The following PROKR2 variants were observed in gnomAD, a reference collection of about 807,000 sequenced individuals.
PROKR2 encodes prokineticin receptor 2.
Under a neutral mutation model 23.4 loss-of-function variants are expected in PROKR2, and 26 were observed. That is an observed-to-expected ratio of 1.11 (90% CI 0.81 to 1.54). The LOEUF is 1.54. Ranked by LOEUF, PROKR2 falls within the 40% of genes most tolerant of loss-of-function variation. The probability of loss-of-function intolerance (pLI) is 0.00; values close to 1 mark genes in which losing one functional copy is unlikely to be tolerated. For synonymous variants in PROKR2, 212 were observed against 201.2 expected (o/e 1.05, Z -0.45); for missense variants, 453 against 511.5 (o/e 0.89, Z 1.10).
chr20:5,312,834 A>G (rs1437374085), intron 2 of PROKR2, among the ~76,000 whole-genome samples: 1 of 152,260 alleles, frequency 6.6e-6, no homozygotes, highest in African/African-American at 2.4e-5. Flanking sequence ...CTGTTCACAT[A>G]AACAAAATGT....
rs150381386 is a variant in PROKR2 at position 5,302,190 on chromosome 20, C to T, written c.1005G>A (p.Thr335=). 4.1e-4 allele frequency: 657 copies of T among 1,614,170 alleles called. No individual in the cohort carries two copies. The African/African-American group carries it at 5.5e-3, about 14-fold the overall frequency. Residue 335 remains threonine, a synonymous_variant, in exon 3 of 3, where the codon ACG becomes ACA. Coordinates refer to ENST00000678254, the MANE Select transcript of PROKR2 (RefSeq NM_144773.4). ...AGTACTTCATGGTGTTGTTCTTGAC[C>T]GTCACGAAGCACACGGTGTTGATCA... is the stretch of plus-strand genomic sequence containing the variant. ...NSMINTVCFV[T]VKNNTMKYFK... is the part of the protein sequence containing the mutation.
rs367930777 is a variant in PROKR2 at position 5,316,341 on chromosome 20, T to A, written c.-9+153A>T. 2 of 456,686 alleles carry A rather than the reference T, an allele frequency of 4.4e-6. No homozygotes were observed. Among genetic ancestry groups the A allele is most frequent in the South Asian group, 1.5e-5 (1 of 64,574 alleles). 28.3% of individuals were successfully genotyped at this position (456,686 alleles called of 1,614,324 possible). On this transcript the variant is annotated intron_variant, in intron 1 of 2. Transcript: ENST00000678254. The surrounding 1 kb of genome is among the most constrained non-coding windows in gnomAD (Gnocchi z 5.0). ...GGGGATCTCCTGAAACCAACTCGCC[T>A]GCTTGGAGCCAGCCCCGACGCATAT...
chr20:5,309,110 A>G (rs1298062373), intron 2 of PROKR2, among the ~76,000 whole-genome samples: 1 of 152,226 alleles, frequency 6.6e-6, no homozygotes, highest in Non-Finnish European at 1.5e-5. Flanking sequence ...CCTGCATGGT[A>G]CAAGGCTCAC....
At chr20:5,308,751 T>C (rs1979323829) in intron 2 of PROKR2, among the ~76,000 whole-genome samples, 1 of 152,170 alleles carries the variant, frequency 6.6e-6, no homozygotes, top group South Asian at 2.1e-4. Context: ...ACCTTTCCTT[T>C]GTGACCAGAC....
intron 2 of PROKR2, among the ~76,000 whole-genome samples, chr20:5,306,392 A>C (rs940506143): frequency 6.6e-5 from 10 of 152,240 alleles, no homozygotes; most frequent in African/African-American, 1.2e-4. Flanking sequence ...TATAATCCCC[A>C]AAAATTGGCC....
intron 2 of PROKR2, among the ~76,000 whole-genome samples, chr20:5,312,875 C>T (rs1600587452): frequency 6.6e-6 from 1 of 152,196 alleles, no homozygotes; most frequent in South Asian, 2.1e-4. Flanking sequence ...TGCTATTATA[C>T]ATTTTACTTT....
At chr20:5,306,280 A>T (rs1241954912) in intron 2 of PROKR2, among the ~76,000 whole-genome samples, 1 of 123,368 alleles carries the variant, frequency 8.1e-6, no homozygotes, top group Admixed American at 8.0e-5. Context: ...TTTTGTAATT[A>T]AGAAAAAAAT....
chr20:5,316,114 G>A lies in PROKR2; in HGVS notation c.-9+380C>T, dbSNP rs761602573. 3 of 456,714 alleles carry A rather than the reference G, an allele frequency of 6.6e-6. No individual in the cohort carries two copies. The highest frequency in any genetic ancestry group is 4.6e-5 in the South Asian group (3 of 64,576). The allele number at this position is 456,714 out of a possible 1,614,324, so 28.3% of individuals were successfully genotyped here. On this transcript the variant is annotated intron_variant, in intron 1 of 2. Transcript: ENST00000678254. The surrounding 1 kb of genome is among the most constrained non-coding windows in gnomAD (Gnocchi z 5.0). Reference sequence around the variant, plus strand: ...CTGGCTGGAAGAAAACGGCGGGTGGGTGGAGGATGCGGTGCGCGGGAATTT... The same window carrying A: ...CTGGCTGGAAGAAAACGGCGGGTGGATGGAGGATGCGGTGCGCGGGAATTT...
At position 5,301,220 on chromosome 20, in the gene PROKR2, G is replaced by A. The variant is rs2122201547; in HGVS notation, c.*820C>T. On this transcript the variant is annotated 3_prime_UTR_variant, in exon 3 of 3. Transcript: ENST00000678254. ...ATAGCCGTTGGTTGTTGTTGTTGTT[G>A]TTTTGTTGTTTGTTTGTTTGTTTTT... is the stretch of plus-strand genomic sequence containing the variant. 7.2e-6 allele frequency among the ~76,000 whole-genome samples: 1 copy of A among 139,204 alleles called. No individual in the cohort carries two copies. Among genetic ancestry groups the A allele is most frequent in the East Asian group, 2.1e-4 (1 of 4,776 alleles). 91.3% of individuals were successfully genotyped at this position (139,204 alleles called of 152,430 possible).
chr20:5,310,114 T>C lies in PROKR2; in HGVS notation c.458+3798A>G, dbSNP rs117271817. ...CAACCTCTAAGGCTTTTTGTCATGT[T>C]CTGAGAAGGTAAACATACATAAGGG... On this transcript the variant is annotated intron_variant, in intron 2 of 2. Coordinates refer to ENST00000678254, the MANE Select transcript of PROKR2 (RefSeq NM_144773.4). 4.4e-3 allele frequency among the ~76,000 whole-genome samples: 677 copies of C among 152,360 alleles called. 4 individuals carry two copies. The highest frequency in any genetic ancestry group is 6.5e-3 in the Non-Finnish European group (441 of 68,036).
At chr20:5,306,680 T>G (rs940428440) in intron 2 of PROKR2, among the ~76,000 whole-genome samples, 9 of 152,338 alleles carry the variant, frequency 5.9e-5, no homozygotes, top group African/African-American at 2.2e-4. Context: ...GATTTCTGAT[T>G]CTTCATACAT....
chr20:5,314,861 C>A (rs1239966901), intron 1 of PROKR2, among the ~76,000 whole-genome samples: 1 of 152,244 alleles, frequency 6.6e-6, no homozygotes, highest in Non-Finnish European at 1.5e-5. Context: ...GCTGGCCAGG[C>A]TCCTACAGCT....
rs746940128 is a variant in PROKR2, at chr20:5,302,329, G to T, written c.866C>A (p.Ala289Glu). 8 of 1,614,266 alleles carry T rather than the reference G, an allele frequency of 5.0e-6. No homozygotes were observed. Among genetic ancestry groups the T allele is most frequent in the Non-Finnish European group, 6.8e-6 (8 of 1,180,056 alleles). ...AACGATGGTGAAACCGTAGAAGGGT[G>T]CCCAGCACAGCACATAGGCCGTGAG... ...CILTAYVLCW[A>E]PFYGFTIVRD... The change falls in exon 3 of 3, where the codon GCA becomes GAA. Residue 289 changes from alanine (A) to glutamate (E), a missense_variant. By Grantham distance (107) the Ala-to-Glu change is moderately radical. Coordinates refer to ENST00000678254, the MANE Select transcript of PROKR2 (RefSeq NM_144773.4).
intron 2 of PROKR2, among the ~76,000 whole-genome samples, chr20:5,310,892 G>T (rs1173164931): frequency 6.6e-6 from 1 of 152,196 alleles, no homozygotes; most frequent in Non-Finnish European, 1.5e-5. Flanking sequence ...CATCGTTATT[G>T]TGCTTAAAAC....
chr20:5,316,374 G>C lies in PROKR2; in HGVS notation c.-9+120C>G, dbSNP rs538080059. ...GCCAGCCCCGACGCATATCTCGAGA[G>C]TGGCGGGAGGCAAAGCAGCCGGAAT... On this transcript the variant is annotated intron_variant, in intron 1 of 2. Transcript: ENST00000678254. This position sits in a 1 kb window ranked among gnomAD's most constrained non-coding sequence, Gnocchi z 5.0. 6 of 456,668 alleles carry C rather than the reference G, an allele frequency of 1.3e-5. No individual in the cohort carries two copies. The highest frequency in any genetic ancestry group is 8.0e-5 in the African/African-American group (4 of 50,208). 28.3% of individuals were successfully genotyped at this position (456,668 alleles called of 1,614,324 possible).
rs1279388138 is a variant in PROKR2, at chr20:5,301,396, C to T, written c.*644G>A. The stretch of plus-strand genomic sequence containing the variant: ...TACAGGCGCCCGCCACCACGCCTAG[C>T]TAATTTTGTATTTTTAGTAGAGACA... On this transcript the variant is annotated 3_prime_UTR_variant, in exon 3 of 3. Transcript: ENST00000678254. Among the ~76,000 whole-genome samples, 1 of 152,166 alleles carries T rather than the reference C, an allele frequency of 6.6e-6. No homozygotes were observed. Among genetic ancestry groups the T allele is most frequent in the African/African-American group, 2.4e-5 (1 of 41,446 alleles).
chr20:5,314,480 A>G, intron 1 of PROKR2, 103 bp from the exon 2 acceptor site: 1 of 941,552 alleles, frequency 1.1e-6, no homozygotes, highest in Non-Finnish European at 1.7e-6. Flanking sequence ...CCTTGGGGAG[A>G]GTTGACTCAC....
Position 5,316,298 on chromosome 20 carries a change from G to A in PROKR2, c.-9+196C>T. 2.2e-6 allele frequency: 1 copy of A among 456,700 alleles called. No individual in the cohort carries two copies. Among genetic ancestry groups the A allele is most frequent in the Non-Finnish European group, 4.4e-6 (1 of 226,972 alleles). 28.3% of individuals were successfully genotyped at this position (456,700 alleles called of 1,614,324 possible). On this transcript the variant is annotated intron_variant, in intron 1 of 2. Coordinates refer to ENST00000678254, the MANE Select transcript of PROKR2 (RefSeq NM_144773.4). The surrounding 1 kb of genome is among the most constrained non-coding windows in gnomAD (Gnocchi z 5.0). ...AGACTCCGCTTACCGTACCCTACCC[G>A]GTCCTAGAGGGCCCAGAGGGGATCT...
At chr20:5,305,528 C>T (rs888066811) in intron 2 of PROKR2, among the ~76,000 whole-genome samples, 1 of 152,098 alleles carries the variant, frequency 6.6e-6, no homozygotes, top group Non-Finnish European at 1.5e-5. Flanking sequence ...GCCAGGAGAG[C>T]GTCTGGCACA....
Sources: gnomAD v4.1 joint callset for allele counts (sites outside exome capture counted in the v4.1 genomes callset) on GRCh38, gnomAD v4.1.1 for gene constraint, Gnocchi (gnomAD v3.1) non-coding constraint, MANE v1.5 for transcripts, NCBI Gene and HGNC (gene_info 2026-07-23, HGNC 2026-07-21) for gene names.